AP3B1: variants seen among roughly 807,000 people sequenced by gnomAD.
AP3B1 encodes AP-3 complex subunit beta-1.
A neutral mutation model predicts 132.5 loss-of-function variants in AP3B1; 61 were observed. That is an observed-to-expected ratio of 0.46 (90% CI 0.37 to 0.57). The LOEUF (loss-of-function observed/expected upper bound fraction) is 0.57. Among genes scored for constraint, AP3B1 ranks in the 20% least tolerant of loss-of-function variants. AP3B1 has a pLI of 0.00. For synonymous variants in AP3B1, 388 were observed against 438.3 expected (o/e 0.89, Z 1.43); for missense variants, 1,120 against 1,289.4 (o/e 0.87, Z 2.01).
chr5:78,266,691 G>A (rs1055624471), intron 2 of AP3B1, among the ~76,000 whole-genome samples: 8 of 152,100 alleles, frequency 5.3e-5, no homozygotes, highest in African/African-American at 1.9e-4. Context: ...CAATGGTGGT[G>A]ATAAAAAGGA....
At chr5:78,142,881 A>G (rs188717739) in intron 14 of AP3B1, among the ~76,000 whole-genome samples, 1 of 152,240 alleles carries the variant, frequency 6.6e-6, no homozygotes, top group East Asian at 1.9e-4. Context: ...TTCTGGAAAG[A>G]AAAGAGGTTA....
intron 22 of AP3B1, among the ~76,000 whole-genome samples, chr5:78,062,507 G>C (rs1024772339): frequency 1.3e-5 from 2 of 152,134 alleles, no homozygotes; most frequent in African/African-American, 4.8e-5. Context: ...GAATTCACTA[G>C]GTAACCAAGC....
chr5:78,026,622 A>G (rs1394850855), intron 24 of AP3B1, among the ~76,000 whole-genome samples: 2 of 152,220 alleles, frequency 1.3e-5, no homozygotes, highest in African/African-American at 4.8e-5. Context: ...AACAATGCTT[A>G]TACTTGGCTA....
intron 17 of AP3B1, among the ~76,000 whole-genome samples, chr5:78,127,564 T>A (rs1752514193): frequency 6.6e-6 from 1 of 152,192 alleles, no homozygotes; most frequent in South Asian, 2.1e-4. Context: ...TGGTACACAA[T>A]GCTCCCTATT....
At chr5:78,162,674 G>T in intron 13 of AP3B1, 145 bp downstream of exon 13, 1 of 805,474 alleles carries the variant, frequency 1.2e-6, no homozygotes, top group Non-Finnish European at 2.0e-6. Flanking sequence ...GTGCATTCAA[G>T]GATAAAATGC....
chr5:78,214,904 A>T (rs1465158038), intron 7 of AP3B1, among the ~76,000 whole-genome samples: 2 of 152,206 alleles, frequency 1.3e-5, no homozygotes, highest in Non-Finnish European at 2.9e-5. Flanking sequence ...TTTAAGATGG[A>T]TAACATAATC....
intron 14 of AP3B1, among the ~76,000 whole-genome samples, chr5:78,149,180 G>C (rs184493001): frequency 6.6e-6 from 1 of 152,100 alleles, no homozygotes; most frequent in Non-Finnish European, 1.5e-5. Context: ...TACAGAAAAA[G>C]GACCGGTGAC....
At chr5:78,113,275 T>C (rs1015709183) in intron 19 of AP3B1, among the ~76,000 whole-genome samples, 2 of 152,246 alleles carry the variant, frequency 1.3e-5, no homozygotes, top group South Asian at 2.1e-4. Flanking sequence ...TTATTGATAA[T>C]GGGAGATCTT....
chr5:78,167,799 A>G (rs887070467), intron 11 of AP3B1, among the ~76,000 whole-genome samples: 1 of 152,104 alleles, frequency 6.6e-6, no homozygotes, highest in Admixed American at 6.5e-5. Context: ...TCTCACTCAT[A>G]AGTGGGAGCT....
intron 1 of AP3B1, among the ~76,000 whole-genome samples, chr5:78,269,984 G>A (rs1457919770): frequency 6.6e-6 from 1 of 151,976 alleles, no homozygotes; most frequent in African/African-American, 2.4e-5. Context: ...TGTGATCTCC[G>A]CTCACGCAAC....
At chr5:78,073,164 G>A (rs781129697) in intron 22 of AP3B1, among the ~76,000 whole-genome samples, 1 of 152,050 alleles carries the variant, frequency 6.6e-6, no homozygotes, top group Non-Finnish European at 1.5e-5. Flanking sequence ...AGCTAAATTC[G>A]TTTCTCTTCC....
At chr5:78,116,352 G>T in intron 17 of AP3B1, 118 bp from the exon 18 acceptor site, 1 of 807,400 alleles carries the variant, frequency 1.2e-6, no homozygotes, top group Non-Finnish European at 2.1e-6. Flanking sequence ...CCTCCACAGG[G>T]AATGCAACTG....
At chr5:78,203,456 A>G (rs1265847597) in intron 7 of AP3B1, among the ~76,000 whole-genome samples, 1 of 152,148 alleles carries the variant, frequency 6.6e-6, no homozygotes, top group Non-Finnish European at 1.5e-5. Context: ...ACTGCCCCCC[A>G]TGATTCAATT....
intron 7 of AP3B1, among the ~76,000 whole-genome samples, chr5:78,191,355 A>C (rs202002883): frequency 9.5e-4 from 59 of 61,808 alleles, no homozygotes; most frequent in South Asian, 3.2e-3. Context: ...GCTTTTCCCC[A>C]AAAAAAAAAA....
Position 78,290,085 on chromosome 5 carries a change from T to G in AP3B1, c.128+4367A>C, listed in dbSNP as rs561463898. ...AGAAATCACTTTGAAGTACACCATC[T>G]CATGAGATCCTCACAAAAGAGGCAA... is the stretch of plus-strand genomic sequence containing the variant. On this transcript the variant is annotated intron_variant, in intron 1 of 26. Transcript: ENST00000255194. 3.9e-5 allele frequency among the ~76,000 whole-genome samples: 6 copies of G among 152,128 alleles called. No individual in the cohort carries two copies. The South Asian group carries it at 1.0e-3, about 26-fold the overall frequency.
chr5:78,048,910 G>A (rs1748457941), intron 22 of AP3B1, among the ~76,000 whole-genome samples: 1 of 152,166 alleles, frequency 6.6e-6, no homozygotes. Context: ...TGTAATGGGA[G>A]AATGCCCCCT....
intron 24 of AP3B1, among the ~76,000 whole-genome samples, chr5:78,021,998 T>A (rs1747123743): frequency 6.6e-6 from 1 of 152,070 alleles, no homozygotes; most frequent in East Asian, 1.9e-4. Flanking sequence ...ATACTAAACA[T>A]TAGGTTAAGA....
chr5:78,177,773 G>A (rs1744210068), intron 8 of AP3B1, among the ~76,000 whole-genome samples: 1 of 152,146 alleles, frequency 6.6e-6, no homozygotes, highest in Non-Finnish European at 1.5e-5. Flanking sequence ...GCCATGTGAA[G>A]ATGGAGATAA....
At chr5:78,097,582 AG>A (rs1750915275) in intron 21 of AP3B1, among the ~76,000 whole-genome samples, 1 of 118,756 alleles carries the variant, frequency 8.4e-6, no homozygotes, top group African/African-American at 3.3e-5. Flanking sequence ...CCGCCCGGCC[AG>A]CCGCCCCGTC....
Sources: allele counts gnomAD v4.1 joint callset (sites outside exome capture counted in the v4.1 genomes callset), GRCh38; gene constraint gnomAD v4.1.1; transcripts MANE v1.5; gene names NCBI Gene and HGNC (gene_info 2026-07-23, HGNC 2026-07-21).